Variants in ARHGAP15 observed in about 807,000 individuals in gnomAD.
ARHGAP15 encodes the protein Rho GTPase activating protein 15, also known as rho GTPase-activating protein 15.
A neutral mutation model predicts 63.7 loss-of-function variants in ARHGAP15; 51 were observed. The ratio of observed to expected loss-of-function variants is 0.80; its 90% CI spans 0.64 to 1.01. The LOEUF is 1.01. Among genes scored for constraint, ARHGAP15 ranks in the 50% least tolerant of loss-of-function variants. The pLI is 0.00. For synonymous variants in ARHGAP15, 191 were observed against 193.8 expected (o/e 0.99, Z 0.12); for missense variants, 560 against 564.6 (o/e 0.99, Z 0.08).
chr2:143,364,182 CAAA>C (rs1304515642), intron 6 of ARHGAP15, among the ~76,000 whole-genome samples: 1 of 145,914 alleles, frequency 6.9e-6, no homozygotes, highest in Admixed American at 6.8e-5. Context: ...GAAACAGTAG[CAAA>C]AAAACAAACA....
intron 6 of ARHGAP15, among the ~76,000 whole-genome samples, chr2:143,373,797 A>G (rs1042301332): frequency 2.0e-5 from 3 of 152,148 alleles, no homozygotes; most frequent in Admixed American, 2.0e-4. Context: ...TATAGTACCT[A>G]GGGTGGGATG....
intron 10 of ARHGAP15, among the ~76,000 whole-genome samples, chr2:143,540,567 G>A (rs1694999266): frequency 6.6e-6 from 1 of 152,134 alleles, no homozygotes; most frequent in Non-Finnish European, 1.5e-5. Flanking sequence ...TTTAAGGCAG[G>A]CCTGGTGGTG....
chr2:143,194,527 C>A (rs1303564321), intron 2 of ARHGAP15, among the ~76,000 whole-genome samples: 1 of 152,092 alleles, frequency 6.6e-6, no homozygotes, highest in East Asian at 1.9e-4. Context: ...CTCATTATAT[C>A]AATTTAGAAA....
Position 143,445,308 on chromosome 2 carries a change from G to A in ARHGAP15, c.703+8266G>A, listed in dbSNP as rs533218309. Among the ~76,000 whole-genome samples, 68 of 151,460 alleles carry A rather than the reference G, an allele frequency of 4.5e-4. No individual in the cohort carries two copies. The East Asian group carries it at 0.011, about 25-fold the overall frequency. On this transcript the variant is annotated intron_variant, in intron 8 of 13. Coordinates refer to ENST00000295095, the MANE Select transcript of ARHGAP15 (RefSeq NM_018460.4). Reference sequence around the variant, plus strand: ...CCCTAGTAGCTGGGACTACAGGCTCGGGCAACACCACGCCTGGCTAATTTT... The same window carrying A: ...CCCTAGTAGCTGGGACTACAGGCTCAGGCAACACCACGCCTGGCTAATTTT...
At position 143,418,587 on chromosome 2, in the gene ARHGAP15, A is replaced by T. The variant is rs535374147; in HGVS notation, c.475-17014A>T. ...AAGAGAAGAAATATTTAAAGTTCAC[A>T]TAAAAGATTTAGGGTCCTTCAGATG... is the stretch of plus-strand genomic sequence containing the variant. On this transcript the variant is annotated intron_variant, in intron 6 of 13. Coordinates refer to ENST00000295095, the MANE Select transcript of ARHGAP15 (RefSeq NM_018460.4). 2.0e-5 allele frequency among the ~76,000 whole-genome samples: 3 copies of T among 152,198 alleles called. No homozygotes were observed. In the South Asian group the frequency reaches 6.2e-4, roughly 31 times the overall value.
chr2:143,578,480 A>C (rs978077234), intron 11 of ARHGAP15, among the ~76,000 whole-genome samples: 1 of 152,182 alleles, frequency 6.6e-6, no homozygotes, highest in Non-Finnish European at 1.5e-5. Flanking sequence ...AATACAATCC[A>C]GCAAAGGGCC....
intron 6 of ARHGAP15, among the ~76,000 whole-genome samples, chr2:143,399,367 A>T (rs573006130): frequency 3.1e-3 from 471 of 151,192 alleles, no homozygotes; most frequent in African/African-American, 0.011. Context: ...GCAAAAAAAT[A>T]AAAAAAAATG....
intron 6 of ARHGAP15, among the ~76,000 whole-genome samples, chr2:143,307,501 T>C (rs1683228177): frequency 6.6e-6 from 1 of 152,166 alleles, no homozygotes; most frequent in Non-Finnish European, 1.5e-5. Flanking sequence ...AGTAACATGA[T>C]ATCAACATGC....
chr2:143,504,579 C>T (rs911198716), intron 9 of ARHGAP15, among the ~76,000 whole-genome samples: 2 of 152,230 alleles, frequency 1.3e-5, no homozygotes, highest in Non-Finnish European at 2.9e-5. Context: ...CCTTACAGCA[C>T]AAATGTCCCA....
At chr2:143,405,987 T>C (rs2105009222) in intron 6 of ARHGAP15, among the ~76,000 whole-genome samples, 1 of 152,126 alleles carries the variant, frequency 6.6e-6, no homozygotes, top group Non-Finnish European at 1.5e-5. Context: ...TTACATCTTA[T>C]CTACTTGTAA....
At chr2:143,164,422 A>G (rs1690421217) in intron 2 of ARHGAP15, among the ~76,000 whole-genome samples, 1 of 152,072 alleles carries the variant, frequency 6.6e-6, no homozygotes, top group Non-Finnish European at 1.5e-5. Flanking sequence ...TCTTCTCTAT[A>G]TGAAATCTCA....
chr2:143,344,749 G>A (rs1685198261), intron 6 of ARHGAP15, among the ~76,000 whole-genome samples: 1 of 152,062 alleles, frequency 6.6e-6, no homozygotes, highest in Admixed American at 6.6e-5. Context: ...ATAGATGTCA[G>A]GCAGAGAGGA....
At chr2:143,474,513 C>A (rs1691724265) in intron 8 of ARHGAP15, among the ~76,000 whole-genome samples, 1 of 152,150 alleles carries the variant, frequency 6.6e-6, no homozygotes. Flanking sequence ...GCACCTCGAA[C>A]AACAGAACTG....
intron 6 of ARHGAP15, among the ~76,000 whole-genome samples, chr2:143,253,400 T>C (rs1680259837): frequency 6.6e-6 from 1 of 151,876 alleles, no homozygotes; most frequent in Admixed American, 6.6e-5. Flanking sequence ...ATATATGCTG[T>C]TTGGATGTTT....
chr2:143,619,624 T>C (rs1698580004), intron 11 of ARHGAP15, among the ~76,000 whole-genome samples: 1 of 152,118 alleles, frequency 6.6e-6, no homozygotes, highest in Non-Finnish European at 1.5e-5. Flanking sequence ...CCAGATGTCA[T>C]GTTGAATTGT....
intron 10 of ARHGAP15, among the ~76,000 whole-genome samples, chr2:143,555,503 G>C (rs774940727): frequency 2.6e-5 from 4 of 152,040 alleles, no homozygotes; most frequent in Admixed American, 2.6e-4. Flanking sequence ...TACTATTATA[G>C]TGTTTGACTA....
intron 12 of ARHGAP15, among the ~76,000 whole-genome samples, chr2:143,647,077 T>C (rs1449417466): frequency 6.6e-6 from 1 of 151,650 alleles, no homozygotes; most frequent in Non-Finnish European, 1.5e-5. Context: ...GAATGAAAAA[T>C]GGATATTTGT....
chr2:143,568,970 A>C (rs1696344882), intron 11 of ARHGAP15, among the ~76,000 whole-genome samples: 1 of 152,188 alleles, frequency 6.6e-6, no homozygotes, highest in South Asian at 2.1e-4. Flanking sequence ...CAATGAGAAC[A>C]CTTGGTCACA....
At chr2:143,593,624 C>T (rs184083565) in intron 11 of ARHGAP15, among the ~76,000 whole-genome samples, 22 of 152,166 alleles carry the variant, frequency 1.4e-4, no homozygotes, top group African/African-American at 4.1e-4. Context: ...TTAATTAAAT[C>T]GCTCATCTGA....
Sources: gnomAD v4.1 joint callset for allele counts (sites outside exome capture counted in the v4.1 genomes callset) on GRCh38, gnomAD v4.1.1 for gene constraint, MANE v1.5 for transcripts, NCBI Gene and HGNC (gene_info 2026-07-23, HGNC 2026-07-21) for gene names.